Variants in GPAT4 observed in about 807,000 individuals in gnomAD.
The protein encoded by GPAT4 is glycerol-3-phosphate acyltransferase 4, also known as 1-AGP acyltransferase 6.
GPAT4 carries 17 observed loss-of-function variants against 58.0 expected under a neutral mutation model. The ratio of observed to expected loss-of-function variants is 0.29; its 90% CI spans 0.20 to 0.44. The LOEUF is 0.44. Among genes scored for constraint, GPAT4 ranks in the 20% least tolerant of loss-of-function variants. GPAT4 has a pLI of 1.00. For missense variants in GPAT4, 377 were observed against 574.5 expected (o/e 0.66, Z 3.51); for synonymous variants, 204 against 210.1 (o/e 0.97, Z 0.25).
intron 2 of GPAT4, among the ~76,000 whole-genome samples, chr8:41,601,976 A>T (rs937984430): frequency 6.6e-6 from 1 of 152,174 alleles, no homozygotes; most frequent in Non-Finnish European, 1.5e-5. Context: ...TATTTATGAG[A>T]CAGAGTCTTG....
At chr8:41,596,935 G>A (rs766489554) in intron 1 of GPAT4, among the ~76,000 whole-genome samples, 13 of 152,160 alleles carry the variant, frequency 8.5e-5, no homozygotes, top group Non-Finnish European at 1.9e-4. Context: ...CCGCATGAGA[G>A]GGTCATGATC....
chr8:41,618,607 C>G (rs2150507674), intron 10 of GPAT4, 77 bp from the exon 11 acceptor site: 2 of 1,566,742 alleles, frequency 1.3e-6, no homozygotes, highest in Non-Finnish European at 1.7e-6. Flanking sequence ...AGTGGAGTCA[C>G]TCACAGCAGT....
intron 1 of GPAT4, among the ~76,000 whole-genome samples, chr8:41,581,993 A>ATTTTTTTTTTTTTTTTTTTT (rs71230849): frequency 1.6e-5 from 1 of 63,592 alleles, no homozygotes; most frequent in Non-Finnish European, 2.7e-5. Flanking sequence ...AAGTTCAATG[A>ATTTTTTTTTTTTTTTTTTTT]TTTTTTTTTT....
chr8:41,623,609 G>C lies in GPAT4; in HGVS notation c.*2608G>C. The C allele has an allele frequency of 6.6e-6, 1 of 152,234 alleles. No homozygotes were observed. Among genetic ancestry groups the C allele is most frequent in the Middle Eastern group, 3.2e-3 (1 of 316 alleles). 9.4% of individuals were successfully genotyped at this position (152,234 alleles called of 1,614,324 possible). A position where few individuals can be genotyped will look rare whatever the true frequency, so the allele number is the denominator to read the frequency against. On this transcript the variant is annotated 3_prime_UTR_variant, in exon 13 of 13. Coordinates refer to ENST00000396987, the MANE Select transcript of GPAT4 (RefSeq NM_178819.4). The stretch of plus-strand genomic sequence containing the variant: ...AGCCCATAGTTCAAACTTTGGCTTT[G>C]ATCTCTGAAGTCTTCTGGGTTTGGA...
chr8:41,596,139 G>T (rs1170820845), intron 1 of GPAT4, among the ~76,000 whole-genome samples: 4 of 152,112 alleles, frequency 2.6e-5, no homozygotes, highest in Admixed American at 2.0e-4. Context: ...TGGTATCATA[G>T]TAATGCCGTA....
rs1554500389 is a variant in GPAT4, at chr8:41,582,688, T to TGG, written c.-849+4411_-849+4412insGG. Among the ~76,000 whole-genome samples, 44 of 151,366 alleles carry TGG rather than the reference T, an allele frequency of 2.9e-4. 1 individual carries two copies. The highest frequency in any genetic ancestry group is 1.3e-3 in the Admixed American group (20 of 15,176). On this transcript the variant is annotated intron_variant, in intron 1 of 12. Transcript: ENST00000396987. ...GAGAGAGAGAGAGTGTGTGTGTGTG[T>TGG]GTGTGTGGGTGTATCTCAAAACATC...
At chr8:41,603,712 C>T (rs976371756) in intron 2 of GPAT4, among the ~76,000 whole-genome samples, 1 of 151,934 alleles carries the variant, frequency 6.6e-6, no homozygotes, top group Non-Finnish European at 1.5e-5. Context: ...TTAGAAAATG[C>T]AGTAGGGCTT....
chr8:41,606,738 CAA>C (rs1320049991), intron 2 of GPAT4, among the ~76,000 whole-genome samples: 2 of 152,130 alleles, frequency 1.3e-5, no homozygotes, highest in East Asian at 1.9e-4. Flanking sequence ...CAGTAGGTAA[CAA>C]GAGGGAGAGA....
At chr8:41,592,302 G>A (rs1802811038) in intron 1 of GPAT4, among the ~76,000 whole-genome samples, 1 of 152,172 alleles carries the variant, frequency 6.6e-6, no homozygotes, top group Non-Finnish European at 1.5e-5. Flanking sequence ...GTCCCGGTGG[G>A]ACTCCAGGTG....
At chr8:41,601,283 C>T (rs1410176408) in intron 2 of GPAT4, among the ~76,000 whole-genome samples, 3 of 152,118 alleles carry the variant, frequency 2.0e-5, no homozygotes, top group Non-Finnish European at 4.4e-5. Context: ...AGACTCTGCA[C>T]AGGTGAATCA....
At chr8:41,580,235 G>T (rs985025503) in intron 1 of GPAT4, among the ~76,000 whole-genome samples, 33 of 152,212 alleles carry the variant, frequency 2.2e-4, no homozygotes, top group Non-Finnish European at 3.1e-4. Context: ...TCTGACCTTA[G>T]AAGTGGTATA....
intron 2 of GPAT4, among the ~76,000 whole-genome samples, chr8:41,603,904 T>A (rs560996983): frequency 5.3e-5 from 8 of 152,018 alleles, no homozygotes; most frequent in African/African-American, 1.4e-4. Context: ...ACAGAATGAA[T>A]GAATGAATGA....
chr8:41,595,599 G>T (rs1448302552), intron 1 of GPAT4, among the ~76,000 whole-genome samples: 1 of 152,138 alleles, frequency 6.6e-6, no homozygotes, highest in South Asian at 2.1e-4. Flanking sequence ...GTAGGGTCAC[G>T]GAGAAGACCT....
intron 2 of GPAT4, among the ~76,000 whole-genome samples, chr8:41,602,379 C>A (rs1030796866): frequency 1.3e-5 from 2 of 152,154 alleles, no homozygotes; most frequent in Non-Finnish European, 2.9e-5. Context: ...TGCCAGCCAC[C>A]GAAAGGGTTG....
intron 8 of GPAT4, among the ~76,000 whole-genome samples, chr8:41,613,187 A>G (rs1479790462): frequency 1.3e-5 from 2 of 152,144 alleles, no homozygotes; most frequent in African/African-American, 4.8e-5. Flanking sequence ...ACTTGAGGTC[A>G]GGAGTTTGAG....
At chr8:41,591,954 G>C (rs1342237413) in intron 1 of GPAT4, among the ~76,000 whole-genome samples, 1 of 152,226 alleles carries the variant, frequency 6.6e-6, no homozygotes, top group Admixed American at 6.5e-5. Context: ...AGTTTTATTA[G>C]TGATTATTTC....
At chr8:41,604,911 A>C (rs900133207) in intron 2 of GPAT4, among the ~76,000 whole-genome samples, 4 of 152,312 alleles carry the variant, frequency 2.6e-5, no homozygotes, top group Admixed American at 1.3e-4. Context: ...TCATTTAGAG[A>C]GTGGGAGTAT....
Sources: gnomAD v4.1 joint callset for allele counts (sites outside exome capture counted in the v4.1 genomes callset) on GRCh38, gnomAD v4.1.1 for gene constraint, MANE v1.5 for transcripts, NCBI Gene and HGNC (gene_info 2026-07-23, HGNC 2026-07-21) for gene names.